Variants in PAPPA observed in about 807,000 individuals in gnomAD.
The protein encoded by PAPPA is pappalysin-1.
In PAPPA, 60 loss-of-function variants were observed where a neutral mutation model predicts 164.0. The observed-to-expected ratio is 0.37, with a 90% confidence interval of 0.30 to 0.45. The LOEUF (loss-of-function observed/expected upper bound fraction) is 0.45, where lower values mean the gene tolerates loss of function less well. Ranked by LOEUF, PAPPA falls within the 20% of genes least tolerant of loss-of-function variation. The pLI is 1.00. For missense variants in PAPPA, 1,782 were observed against 2,087.3 expected (o/e 0.85, Z 2.85); for synonymous variants, 875 against 814.1 (o/e 1.07, Z -1.27).
chr9:116,273,592 T>C (rs1374725342), intron 9 of PAPPA, among the ~76,000 whole-genome samples: 3 of 152,176 alleles, frequency 2.0e-5, no homozygotes, highest in Non-Finnish European at 4.4e-5. Flanking sequence ...CACCATTTCT[T>C]GTTAACAAAA....
intron 9 of PAPPA, among the ~76,000 whole-genome samples, chr9:116,274,157 C>T (rs549111444): frequency 4.0e-5 from 6 of 151,734 alleles, no homozygotes; most frequent in Non-Finnish European, 5.9e-5. Flanking sequence ...CAAAACAAGT[C>T]GTATCACAAA....
At chr9:116,358,314 A>G (rs1463861895) in intron 17 of PAPPA, among the ~76,000 whole-genome samples, 1 of 152,146 alleles carries the variant, frequency 6.6e-6, no homozygotes, top group African/African-American at 2.4e-5. Flanking sequence ...GCAACATGTC[A>G]CCCCTGTACC....
chr9:116,164,038 T>G (rs1270014605), intron 1 of PAPPA, among the ~76,000 whole-genome samples: 3 of 152,154 alleles, frequency 2.0e-5, no homozygotes, highest in African/African-American at 7.2e-5. Context: ...ACTTACTGGG[T>G]GAATGCTAGC....
intron 3 of PAPPA, among the ~76,000 whole-genome samples, chr9:116,211,341 G>A (rs931749420): frequency 9.2e-5 from 14 of 152,192 alleles, no homozygotes; most frequent in African/African-American, 3.4e-4. Flanking sequence ...TTTCTGAATT[G>A]CTCTCCATTG....
At chr9:116,366,549 C>T (rs1846502039) in intron 18 of PAPPA, among the ~76,000 whole-genome samples, 2 of 152,180 alleles carry the variant, frequency 1.3e-5, no homozygotes. Context: ...ATTCATTTAT[C>T]CATTAATCCA....
chr9:116,341,030 TTTTATTTA>T (rs370348154), intron 13 of PAPPA, among the ~76,000 whole-genome samples: 3 of 150,940 alleles, frequency 2.0e-5, no homozygotes, highest in Admixed American at 6.6e-5. Flanking sequence ...TATTTTTTTG[TTTTATTTA>T]TTTATTTATT....
At chr9:116,165,179 T>C (rs1211167817) in intron 1 of PAPPA, among the ~76,000 whole-genome samples, 4 of 152,240 alleles carry the variant, frequency 2.6e-5, no homozygotes, top group African/African-American at 4.8e-5. Flanking sequence ...TTTAAAGTCT[T>C]AAGCCAGGTC....
chr9:116,167,179 G>T (rs970348964), intron 1 of PAPPA, among the ~76,000 whole-genome samples: 2 of 152,092 alleles, frequency 1.3e-5, no homozygotes, highest in South Asian at 2.1e-4. Context: ...CAGGGGATTG[G>T]TTCGAGGACC....
intron 4 of PAPPA, among the ~76,000 whole-genome samples, chr9:116,219,043 GC>G (rs1407402685): frequency 6.6e-6 from 1 of 152,168 alleles, no homozygotes; most frequent in Non-Finnish European, 1.5e-5. Context: ...CCTGGCCTGT[GC>G]TCTCTGCCTA....
At position 116,344,555 on chromosome 9, in the gene PAPPA, C is replaced by G. The variant is rs202244318; in HGVS notation, c.3624C>G (p.Phe1208Leu). The G allele has an allele frequency of 2.0e-4, 315 of 1,613,334 alleles. 2 individuals are homozygous for G. Among genetic ancestry groups the G allele is most frequent in the Non-Finnish European group, 3.2e-5 (38 of 1,179,472 alleles). The change falls in exon 14 of 22, where the codon TTC becomes TTG. Residue 1208 changes from phenylalanine (F) to leucine (L), a missense_variant. Physicochemically the swap from Phe to Leu is conservative, Grantham distance 22. Transcript: ENST00000328252. Reference protein sequence around the residue: ...YSPAEQSCVHFACEKTDCPEL... With the variant: ...YSPAEQSCVHLACEKTDCPEL... Reference sequence around the variant, plus strand: ...CTTTCCTCCCCAGCTGCGTGCACTTCGCATGTGAGAAAACTGACTGTCCAG... The same window carrying G: ...CTTTCCTCCCCAGCTGCGTGCACTTGGCATGTGAGAAAACTGACTGTCCAG...
chr9:116,289,382 ATATG>A (rs1290077893), intron 9 of PAPPA, among the ~76,000 whole-genome samples: 43 of 115,244 alleles, frequency 3.7e-4, no homozygotes, highest in Admixed American at 6.1e-4. Context: ...TATATATAGC[ATATG>A]TATATATAGC....
At chr9:116,260,669 A>G (rs1175962809) in intron 7 of PAPPA, among the ~76,000 whole-genome samples, 1 of 152,170 alleles carries the variant, frequency 6.6e-6, no homozygotes, top group Admixed American at 6.5e-5. Flanking sequence ...ATACAACACA[A>G]CACTCCTCCT....
intron 1 of PAPPA, among the ~76,000 whole-genome samples, chr9:116,186,255 TATATAGATATATAG>T (rs1843968963): frequency 1.4e-5 from 2 of 143,608 alleles, no homozygotes; most frequent in Admixed American, 7.0e-5. Flanking sequence ...TCTATATATC[TATATAGATATATAG>T]ATATAGATAT....
At chr9:116,321,529 G>A (rs1430562906) in intron 10 of PAPPA, among the ~76,000 whole-genome samples, 4 of 152,168 alleles carry the variant, frequency 2.6e-5, no homozygotes, top group Non-Finnish European at 5.9e-5. Context: ...CCTACCTTCA[G>A]GGATGCACTA....
chr9:116,381,557 G>T (rs1033953972), intron 20 of PAPPA, among the ~76,000 whole-genome samples: 7 of 152,204 alleles, frequency 4.6e-5, no homozygotes, highest in African/African-American at 1.7e-4. Flanking sequence ...ATAATGGCTT[G>T]ACTCTATTAT....
rs570952477 is a variant in PAPPA, at chr9:116,182,383, C to G, written c.416-4771C>G. Among the ~76,000 whole-genome samples, 18 of 152,228 alleles carry G rather than the reference C, an allele frequency of 1.2e-4. No homozygotes were observed. The South Asian group carries it at 3.7e-3, about 32-fold the overall frequency. On this transcript the variant is annotated intron_variant, in intron 1 of 21. Transcript: ENST00000328252. Reference sequence around the variant, plus strand: ...GGATGTTAGGTATTTATAAATGAAGCAAACAGCCACATATGTGGGAAGCAC... The same window carrying G: ...GGATGTTAGGTATTTATAAATGAAGGAAACAGCCACATATGTGGGAAGCAC...
chr9:116,371,377 A>G (rs1846571715), intron 19 of PAPPA, among the ~76,000 whole-genome samples: 1 of 152,216 alleles, frequency 6.6e-6, no homozygotes, highest in South Asian at 2.1e-4. Flanking sequence ...AGATTGTGCC[A>G]CTGCATTCCA....
At chr9:116,246,932 G>A (rs1844803511) in intron 7 of PAPPA, among the ~76,000 whole-genome samples, 1 of 151,974 alleles carries the variant, frequency 6.6e-6, no homozygotes, top group African/African-American at 2.4e-5. Flanking sequence ...GAGGGAGGAG[G>A]ATCACTTGAG....
Position 116,187,843 on chromosome 9 carries a change from A to G in PAPPA, c.1105A>G (p.Thr369Ala). The change falls in exon 2 of 22, where the codon ACG (threonine) becomes GCG (alanine). Residue 369 changes from threonine to alanine, a missense_variant. Coordinates refer to ENST00000328252, the MANE Select transcript of PAPPA (RefSeq NM_002581.5). The surrounding 1 kb of genome is among the most constrained non-coding windows in gnomAD (Gnocchi z 4.2). ...CTATGAAGATGATCATAAGAACCCG[A>G]CGGTGACGCGCGAGCAGGTGGACTT... ...NLYEDDHKNP[T>A]VTREQVDFQH... 6.2e-7 allele frequency: 1 copy of G among 1,614,178 alleles called. No individual in the cohort carries two copies. The highest frequency in any genetic ancestry group is 8.5e-7 in the Non-Finnish European group (1 of 1,180,044).
Sources: allele counts gnomAD v4.1 joint callset (sites outside exome capture counted in the v4.1 genomes callset), GRCh38; gene constraint gnomAD v4.1.1; non-coding constraint Gnocchi (gnomAD v3.1); transcripts MANE v1.5; gene names NCBI Gene and HGNC (gene_info 2026-07-23, HGNC 2026-07-21).